DOCK3: variants seen among roughly 807,000 people sequenced by gnomAD.
DOCK3 encodes dedicator of cytokinesis protein 3.
Under a neutral mutation model 265.6 loss-of-function variants are expected in DOCK3, and 60 were observed. That is an observed-to-expected ratio of 0.23 (90% CI 0.18 to 0.28). DOCK3 has a LOEUF of 0.28. DOCK3 is among the 10% of genes least tolerant of loss of function. DOCK3 has a pLI of 1.00. For synonymous variants in DOCK3, 881 were observed against 938.0 expected, an observed-to-expected ratio of 0.94 and a Z score of 1.11; for missense variants, 1,981 against 2,594.3, an observed-to-expected ratio of 0.76 and a Z score of 5.14.
At chr3:51,251,790 A>T (rs527733852) in intron 22 of DOCK3, among the ~76,000 whole-genome samples, 2 of 152,034 alleles carry the variant, frequency 1.3e-5, no homozygotes, top group Non-Finnish European at 2.9e-5. Context: ...GATGGCAAAA[A>T]TTTTCTCCTA....
At chr3:51,324,729 A>G (rs1017995029) in intron 32 of DOCK3, among the ~76,000 whole-genome samples, 17 of 152,220 alleles carry the variant, frequency 1.1e-4, no homozygotes, top group Non-Finnish European at 2.9e-5. Context: ...ATATAGACCA[A>G]TGGAACCAAA....
At chr3:50,910,555 G>A (rs1197676196) in intron 4 of DOCK3, among the ~76,000 whole-genome samples, 5 of 152,232 alleles carry the variant, frequency 3.3e-5, no homozygotes, top group African/African-American at 1.2e-4. Context: ...TGAACTGGTG[G>A]TGGGGCTAGC....
intron 12 of DOCK3, among the ~76,000 whole-genome samples, chr3:51,188,789 G>A (rs941379160): frequency 6.9e-6 from 1 of 145,886 alleles, no homozygotes; most frequent in Admixed American, 6.9e-5. Context: ...TTTTGTGTCG[G>A]GGGATGTGGG....
At chr3:50,687,267 C>T (rs147898749) in intron 1 of DOCK3, among the ~76,000 whole-genome samples, 5 of 152,136 alleles carry the variant, frequency 3.3e-5, no homozygotes, top group South Asian at 2.1e-4. Context: ...GTTGACTCAT[C>T]GCCCTCATTA....
chr3:51,289,366 TA>T (rs1007350096), intron 27 of DOCK3, among the ~76,000 whole-genome samples: 4 of 152,152 alleles, frequency 2.6e-5, no homozygotes, highest in African/African-American at 9.7e-5. Flanking sequence ...GCTATTAGTA[TA>T]AGATGTTTTA....
chr3:50,907,133 A>G (rs924930443), intron 4 of DOCK3, among the ~76,000 whole-genome samples: 1 of 152,052 alleles, frequency 6.6e-6, no homozygotes, highest in Non-Finnish European at 1.5e-5. Flanking sequence ...GTTTGTTATA[A>G]TTTCTGTTGT....
Position 51,229,603 on chromosome 3 carries a change from T to C in DOCK3, c.1911T>C (p.Ile637=). Residue 637 remains isoleucine, a synonymous_variant, in exon 19 of 53, where the codon ATT becomes ATC. Transcript: ENST00000266037. ...TGCGGCATGTCAGTGGGGAGGAAAT[T>C]GTTAAGGTATGTCTTCCATATAATT... is the stretch of plus-strand genomic sequence containing the variant. ...GRLRHVSGEE[I]VKFLQDILDT... is the part of the protein sequence containing the mutation. The C allele has an allele frequency of 6.2e-7, 1 of 1,603,010 alleles. No homozygotes were observed. Among genetic ancestry groups the C allele is most frequent in the South Asian group, 1.1e-5 (1 of 88,528 alleles).
chr3:51,200,051 G>T (rs1259312632), intron 12 of DOCK3, among the ~76,000 whole-genome samples: 2 of 151,966 alleles, frequency 1.3e-5, no homozygotes, highest in Admixed American at 6.6e-5. Context: ...CATCATCAAA[G>T]ACCAAAAGTA....
At chr3:50,683,836 T>TCCCCCC (rs71080600) in intron 1 of DOCK3, among the ~76,000 whole-genome samples, 1 of 60,654 alleles carries the variant, frequency 1.6e-5, no homozygotes, top group Non-Finnish European at 3.0e-5. Flanking sequence ...CCCGCTCTCC[T>TCCCCCC]CCCCCCCCCC....
At chr3:51,288,844 T>C (rs903352386) in intron 27 of DOCK3, among the ~76,000 whole-genome samples, 9 of 152,146 alleles carry the variant, frequency 5.9e-5, no homozygotes, top group South Asian at 2.1e-4. Flanking sequence ...TTTTATTTCC[T>C]AAGCTGAAAC....
chr3:50,677,467 G>C (rs926560378), intron 1 of DOCK3, among the ~76,000 whole-genome samples: 6 of 152,142 alleles, frequency 3.9e-5, no homozygotes, highest in Non-Finnish European at 7.3e-5. Context: ...ATTGCTATGA[G>C]GGCTAGCTTG....
At chr3:50,933,353 G>A (rs2108162188) in intron 4 of DOCK3, among the ~76,000 whole-genome samples, 1 of 152,314 alleles carries the variant, frequency 6.6e-6, no homozygotes, top group South Asian at 2.1e-4. Context: ...TTGACAGTTA[G>A]CACAGGGACT....
intron 5 of DOCK3, among the ~76,000 whole-genome samples, chr3:51,048,367 T>C (rs773992428): frequency 6.6e-6 from 1 of 152,140 alleles, no homozygotes; most frequent in Non-Finnish European, 1.5e-5. Flanking sequence ...ATGGTACAGG[T>C]TGAATATCCC....
intron 9 of DOCK3, among the ~76,000 whole-genome samples, chr3:51,132,430 C>T (rs544457330): frequency 8.5e-5 from 13 of 152,246 alleles, no homozygotes; most frequent in South Asian, 2.1e-4. Context: ...TAGAAGCAAA[C>T]GGGTGTTGGG....
chr3:50,819,515 G>T (rs1288624131), intron 2 of DOCK3, among the ~76,000 whole-genome samples: 1 of 152,138 alleles, frequency 6.6e-6, no homozygotes. Context: ...GGGCATGGTG[G>T]CTAACACCTT....
chr3:50,855,878 C>G (rs1457369119), intron 3 of DOCK3, among the ~76,000 whole-genome samples: 1 of 152,054 alleles, frequency 6.6e-6, no homozygotes, highest in Non-Finnish European at 1.5e-5. Flanking sequence ...GTTGTTTCCC[C>G]CCATGTGTCC....
At chr3:51,297,300 C>T (rs1328977306) in intron 27 of DOCK3, among the ~76,000 whole-genome samples, 4 of 151,978 alleles carry the variant, frequency 2.6e-5, no homozygotes, top group South Asian at 2.1e-4. Context: ...GTAGATATAA[C>T]ACCAAAGTGC....
At chr3:50,686,510 T>TG (rs2034810915) in intron 1 of DOCK3, among the ~76,000 whole-genome samples, 1 of 152,162 alleles carries the variant, frequency 6.6e-6, no homozygotes, top group South Asian at 2.1e-4. Flanking sequence ...CTTCCCAGTT[T>TG]GGGGGTCTTT....
At chr3:50,874,916 C>G (rs67672341) in intron 3 of DOCK3, among the ~76,000 whole-genome samples, 15,083 of 152,010 alleles carry the variant, frequency 0.099, 930 homozygotes, top group Non-Finnish European at 0.13. Context: ...TGCAGGCACA[C>G]GGATGAAGCT....
Sources: allele counts gnomAD v4.1 joint callset (sites outside exome capture counted in the v4.1 genomes callset), GRCh38; gene constraint gnomAD v4.1.1; transcripts MANE v1.5; gene names NCBI Gene and HGNC (gene_info 2026-07-23, HGNC 2026-07-21).